The following KLHL32 variants were observed in gnomAD, a reference collection of about 807,000 sequenced individuals.
KLHL32 encodes the protein kelch like family member 32.
KLHL32 carries 35 observed loss-of-function variants against 64.8 expected under a neutral mutation model. That is an observed-to-expected ratio of 0.54 (90% confidence interval 0.41 to 0.72). The LOEUF is 0.72. Ranked by LOEUF, KLHL32 falls within the 30% of genes least tolerant of loss-of-function variation. The probability of loss-of-function intolerance (pLI) is 0.00; values close to 1 mark genes in which losing one functional copy is unlikely to be tolerated. For synonymous variants in KLHL32, 259 were observed against 281.0 expected, an observed-to-expected ratio of 0.92 and a Z score of 0.78; for missense variants, 589 against 768.5, an observed-to-expected ratio of 0.77 and a Z score of 2.76.
intron 3 of KLHL32, among the ~76,000 whole-genome samples, chr6:96,980,158 C>T (rs1020573484): frequency 6.6e-6 from 1 of 152,020 alleles, no homozygotes; most frequent in Non-Finnish European, 1.5e-5. Context: ...TTTTATTTCT[C>T]TCTGTTTCCT....
intron 3 of KLHL32, among the ~76,000 whole-genome samples, chr6:96,984,837 C>T (rs1246647432): frequency 6.6e-6 from 1 of 152,170 alleles, no homozygotes. Context: ...ATTTGCCAGT[C>T]TGTGTCTTTT....
intron 7 of KLHL32, among the ~76,000 whole-genome samples, chr6:97,121,478 G>A (rs1457076446): frequency 2.0e-5 from 3 of 152,178 alleles, no homozygotes; most frequent in African/African-American, 7.2e-5. Flanking sequence ...GTCTTTCTGC[G>A]ATTTTACGGT....
In KLHL32 at chr6:96,932,192, AACTG is replaced by A. The variant is rs146904624; in HGVS notation, c.-66+7171_-66+7174del. Among the ~76,000 whole-genome samples the A allele has an allele frequency of 8.0e-3, 1,179 of 148,242 alleles. 22 individuals are homozygous for A. The highest frequency in any genetic ancestry group is 0.028 in the African/African-American group (1,128 of 40,590). ...TAGCCTGATGTCCTTGAGCTGATAG[AACTG>A]ACTGGGTTATTTTTTTTTTTTTTTT... On this transcript the variant is annotated intron_variant, in intron 1 of 10. Transcript: ENST00000369261.
chr6:97,103,295 G>A (rs1200473630), intron 6 of KLHL32, among the ~76,000 whole-genome samples: 7 of 149,868 alleles, frequency 4.7e-5, no homozygotes, highest in Non-Finnish European at 1.0e-4. Flanking sequence ...CTCACTGCAA[G>A]CTCCGCTTCC....
chr6:96,953,664 A>G (rs1322846766), intron 1 of KLHL32, among the ~76,000 whole-genome samples: 1 of 151,728 alleles, frequency 6.6e-6, no homozygotes, highest in East Asian at 1.9e-4. Context: ...TTCTTCATTC[A>G]TTCCCTAAAA....
At chr6:96,941,624 C>T (rs1038027344) in intron 1 of KLHL32, among the ~76,000 whole-genome samples, 3 of 152,136 alleles carry the variant, frequency 2.0e-5, no homozygotes, top group Non-Finnish European at 4.4e-5. Context: ...GTCAACTTCA[C>T]GTAATCCACG....
At chr6:97,069,499 G>A (rs1300375539) in intron 5 of KLHL32, among the ~76,000 whole-genome samples, 1 of 150,476 alleles carries the variant, frequency 6.6e-6, no homozygotes, top group East Asian at 2.0e-4. Flanking sequence ...ACCTACATCA[G>A]GGCTGAAGGT....
chr6:96,922,968 C>T (rs1007650673), upstream of KLHL32, among the ~76,000 whole-genome samples: 1 of 152,160 alleles, frequency 6.6e-6, no homozygotes, highest in Non-Finnish European at 1.5e-5. Context: ...TAAACCTCAA[C>T]GCCATGTGTC....
At chr6:97,004,172 A>G (rs1779382217) in intron 3 of KLHL32, among the ~76,000 whole-genome samples, 2 of 151,808 alleles carry the variant, frequency 1.3e-5, no homozygotes, top group African/African-American at 4.8e-5. Flanking sequence ...TGTTTTGTAA[A>G]TCTTGTAGAG....
intron 6 of KLHL32, among the ~76,000 whole-genome samples, chr6:97,110,647 C>G (rs1796990641): frequency 6.6e-6 from 1 of 152,174 alleles, no homozygotes; most frequent in South Asian, 2.1e-4. Flanking sequence ...TCCCCTGATC[C>G]CCCAGTAAAA....
chr6:97,020,868 A>C (rs1319233998), intron 3 of KLHL32, among the ~76,000 whole-genome samples: 11 of 150,738 alleles, frequency 7.3e-5, no homozygotes, highest in Admixed American at 7.2e-4. Flanking sequence ...GCTTCTTAAA[A>C]TTACAGGACT....
At chr6:96,990,301 A>C (rs1777694948) in intron 3 of KLHL32, among the ~76,000 whole-genome samples, 1 of 151,584 alleles carries the variant, frequency 6.6e-6, no homozygotes, top group Non-Finnish European at 1.5e-5. Context: ...TTTGTGCAGG[A>C]TCTTTATTTG....
Position 97,113,900 on chromosome 6 carries a change from C to T in KLHL32, c.745C>T (p.Pro249Ser), listed in dbSNP as rs371440388. The T allele has an allele frequency of 1.2e-6, 2 of 1,614,108 alleles. No homozygotes were observed. Among genetic ancestry groups the T allele is most frequent in the African/African-American group, 2.7e-5 (2 of 75,032 alleles). Residue 249 changes from proline to serine, a missense_variant, in exon 7 of 11, where the codon CCC (proline) becomes TCC (serine). Transcript: ENST00000369261. ...DTLHTVALSH[P>S]LVQASETATA... ...TCTCCATACAGTTGCCCTGTCCCAC[C>T]CCCTTGTCCAAGCAAGTGAGACTGC... is the stretch of plus-strand genomic sequence containing the variant.
the KLHL32 span, among the ~76,000 whole-genome samples, chr6:96,912,123 G>C: frequency 6.6e-6 from 1 of 151,896 alleles, no homozygotes; most frequent in Non-Finnish European, 1.5e-5. Flanking sequence ...TCTTTCTCCT[G>C]TGTCCCTTAG....
chr6:96,927,159 G>A (rs955350098), intron 1 of KLHL32, among the ~76,000 whole-genome samples: 1 of 152,164 alleles, frequency 6.6e-6, no homozygotes, highest in African/African-American at 2.4e-5. Context: ...TTTTGAATCT[G>A]GTGAAACAAA....
rs113124015 is a variant in KLHL32 at position 97,077,886 on chromosome 6, G to T, written c.412-7240G>T. ...GCAGAATACAAAAAGCATACGATGC[G>T]AAATCTACTTTTTACTAGTTTACTA... On this transcript the variant is annotated intron_variant, in intron 5 of 10. Coordinates refer to ENST00000369261, the MANE Select transcript of KLHL32 (RefSeq NM_052904.4). Among the ~76,000 whole-genome samples the T allele has an allele frequency of 4.6e-4, 70 of 152,250 alleles. No homozygotes were observed. The East Asian group carries it at 0.013, about 29-fold the overall frequency.
chr6:97,018,295 G>A (rs1431431711), intron 3 of KLHL32, among the ~76,000 whole-genome samples: 1 of 152,100 alleles, frequency 6.6e-6, no homozygotes, highest in Non-Finnish European at 1.5e-5. Flanking sequence ...AAAGGCATCT[G>A]TTGAAAGATA....
At chr6:96,995,296 C>T (rs995700056) in intron 3 of KLHL32, among the ~76,000 whole-genome samples, 3 of 152,214 alleles carry the variant, frequency 2.0e-5, no homozygotes, top group Non-Finnish European at 4.4e-5. Context: ...ACTGCAGGTT[C>T]ACTCACTTTT....
Position 97,085,349 on chromosome 6 carries a change from C to G in KLHL32, c.627+8C>G. 1 of 1,610,994 alleles carries G rather than the reference C, an allele frequency of 6.2e-7. No individual in the cohort carries two copies. Among genetic ancestry groups the G allele is most frequent in the South Asian group, 1.1e-5 (1 of 90,950 alleles). ...GAAGAGCAGATCTGGCAGGTAAGGG[C>G]GCTGTGCACGGTCGCTTTTGGCACT... On this transcript the variant is annotated splice_region_variant and intron_variant, in intron 6 of 10. Transcript: ENST00000369261.
Sources: gnomAD v4.1 joint callset for allele counts (sites outside exome capture counted in the v4.1 genomes callset) on GRCh38, gnomAD v4.1.1 for gene constraint, MANE v1.5 for transcripts, NCBI Gene and HGNC (gene_info 2026-07-23, HGNC 2026-07-21) for gene names.